Variants in TJP1 observed in about 807,000 individuals in gnomAD.
TJP1 encodes tight junction protein 1.
TJP1 carries 43 observed loss-of-function variants against 194.2 expected under a neutral mutation model. The ratio of observed to expected loss-of-function variants is 0.22; its 90% confidence interval spans 0.17 to 0.29. TJP1 has a LOEUF of 0.29. TJP1 is among the 10% of genes least tolerant of loss of function. The pLI, the probability that TJP1 is intolerant of heterozygous loss-of-function variation, is 1.00. For missense variants in TJP1, 1,971 were observed against 2,185.7 expected (o/e 0.90, Z 1.96); for synonymous variants, 801 against 779.0 (o/e 1.03, Z -0.47).
At chr15:29,903,673 C>T (rs185300684) in intron 2 of TJP1, among the ~76,000 whole-genome samples, 1,959 of 152,116 alleles carry the variant, frequency 0.013, 38 homozygotes, top group African/African-American at 0.044. Flanking sequence ...CTCAATCTCC[C>T]GACCTTGTGA....
intron 2 of TJP1, among the ~76,000 whole-genome samples, chr15:29,829,162 C>G (rs2050761887): frequency 6.6e-6 from 1 of 152,112 alleles, no homozygotes; most frequent in South Asian, 2.1e-4. Context: ...ACAGAGAGTT[C>G]CTGCTGACTT....
At chr15:29,777,440 T>C (rs1044553355) in intron 2 of TJP1, among the ~76,000 whole-genome samples, 12 of 152,022 alleles carry the variant, frequency 7.9e-5, no homozygotes, top group Non-Finnish European at 2.9e-5. Context: ...AGACCATACT[T>C]TGAAAATGTC....
At chr15:29,774,477 T>C (rs1481954921) in intron 2 of TJP1, among the ~76,000 whole-genome samples, 1 of 152,158 alleles carries the variant, frequency 6.6e-6, no homozygotes, top group Non-Finnish European at 1.5e-5. Context: ...CTTGAAAACA[T>C]CATGCTAAGG....
intron 1 of TJP1, among the ~76,000 whole-genome samples, chr15:29,958,700 C>T (rs552139213): frequency 8.5e-5 from 13 of 152,264 alleles, no homozygotes; most frequent in Admixed American, 2.6e-4. Context: ...TTCCTATCAA[C>T]ACCTAGGGCT....
chr15:29,904,624 G>A (rs1429949448), intron 2 of TJP1, among the ~76,000 whole-genome samples: 1 of 151,204 alleles, frequency 6.6e-6, no homozygotes, highest in Non-Finnish European at 1.5e-5. Flanking sequence ...AGTAATTACA[G>A]AAATGCAAAC....
chr15:29,758,697 A>T (rs964928530), intron 8 of TJP1, among the ~76,000 whole-genome samples: 1 of 152,146 alleles, frequency 6.6e-6, no homozygotes, highest in Admixed American at 6.5e-5. Flanking sequence ...GTGCTATATC[A>T]CTGTGTGTGT....
At chr15:29,857,317 T>TTAAAC (rs2051896131) in intron 2 of TJP1, among the ~76,000 whole-genome samples, 1 of 151,816 alleles carries the variant, frequency 6.6e-6, no homozygotes, top group Non-Finnish European at 1.5e-5. Context: ...AGGATGTTTC[T>TTAAAC]ATTTACATAT....
intron 2 of TJP1, among the ~76,000 whole-genome samples, chr15:29,945,804 C>T (rs1196962103): frequency 8.6e-6 from 1 of 116,414 alleles, no homozygotes; most frequent in African/African-American, 2.8e-5. Context: ...CACACACGCA[C>T]ACACACAGAA....
intron 8 of TJP1, among the ~76,000 whole-genome samples, chr15:29,752,964 G>A (rs1201698329): frequency 1.3e-5 from 2 of 152,112 alleles, no homozygotes; most frequent in Admixed American, 6.6e-5. Flanking sequence ...ACCTTCACCT[G>A]CCAGGGTCTT....
intron 2 of TJP1, among the ~76,000 whole-genome samples, chr15:29,901,479 A>G (rs1451237301): frequency 6.6e-6 from 1 of 152,128 alleles, no homozygotes; most frequent in African/African-American, 2.4e-5. Context: ...GATCCAAAAA[A>G]CCACAGATGC....
chr15:29,780,352 T>A (rs1332780684), intron 2 of TJP1, among the ~76,000 whole-genome samples: 11 of 150,946 alleles, frequency 7.3e-5, no homozygotes, highest in South Asian at 6.3e-4. Flanking sequence ...TCATAAGGAG[T>A]GTGCAACCTA....
chr15:29,731,079 C>CCTTTTTTT (rs1472574240), intron 15 of TJP1: 1 of 545,176 alleles, frequency 1.8e-6, no homozygotes, highest in Non-Finnish European at 3.2e-6. Context: ...TTTTGTTTTA[C>CCTTTTTTT]TTTTTTTTTT....
chr15:29,903,730 T>A (rs576179474), intron 2 of TJP1, among the ~76,000 whole-genome samples: 1 of 152,212 alleles, frequency 6.6e-6, no homozygotes, highest in African/African-American at 2.4e-5. Flanking sequence ...AGGCGTGAGC[T>A]ACCACGCCCG....
intron 2 of TJP1, among the ~76,000 whole-genome samples, chr15:29,788,161 CTT>C (rs1413843575): frequency 1.3e-5 from 2 of 152,096 alleles, no homozygotes; most frequent in Admixed American, 6.6e-5. Flanking sequence ...ACTGATTTGT[CTT>C]TTTATTGTTC....
chr15:29,780,695 T>C (rs2047315688), intron 2 of TJP1, among the ~76,000 whole-genome samples: 1 of 152,222 alleles, frequency 6.6e-6, no homozygotes, highest in Admixed American at 6.5e-5. Flanking sequence ...TTAAAACTGT[T>C]ATTAGCACAA....
At chr15:29,839,700 T>C (rs2051157071) in intron 2 of TJP1, among the ~76,000 whole-genome samples, 1 of 152,238 alleles carries the variant, frequency 6.6e-6, no homozygotes. Context: ...GAAACTGTTA[T>C]GAACATTCCT....
chr15:29,700,061 G>C, downstream of TJP1: 1 of 380,728 alleles, frequency 2.6e-6, no homozygotes. Context: ...AGGTGACGCT[G>C]GGTGATAGGG....
intron 23 of TJP1, among the ~76,000 whole-genome samples, chr15:29,715,075 GTGTAAATGAATTCCTGTAACACTGTAAA>G (rs1372874079): frequency 6.6e-6 from 1 of 152,178 alleles, no homozygotes; most frequent in African/African-American, 2.4e-5. Flanking sequence ...TGTGATAACT[GTGTAAATGAATTCCTGTAACACTGTAAA>G]TGTAAATGAA....
At chr15:29,855,839 A>C (rs920342849) in intron 2 of TJP1, among the ~76,000 whole-genome samples, 4 of 152,016 alleles carry the variant, frequency 2.6e-5, no homozygotes, top group African/African-American at 9.7e-5. Context: ...CTGGGTGACA[A>C]AGCAAAACTC....
Sources: gnomAD v4.1 joint callset for allele counts (sites outside exome capture counted in the v4.1 genomes callset) on GRCh38, gnomAD v4.1.1 for gene constraint, MANE v1.5 for transcripts, NCBI Gene and HGNC (gene_info 2026-07-23, HGNC 2026-07-21) for gene names.